The following PTPRM variants were observed in gnomAD, a reference collection of about 807,000 sequenced individuals.
PTPRM encodes the protein receptor-type tyrosine-protein phosphatase mu.
PTPRM carries 47 observed loss-of-function variants against 186.7 expected under a neutral mutation model. That is an observed-to-expected ratio of 0.25 (90% confidence interval 0.20 to 0.32). The LOEUF (loss-of-function observed/expected upper bound fraction) is 0.32. Ranked by LOEUF, PTPRM falls within the 10% of genes least tolerant of loss-of-function variation. The probability of loss-of-function intolerance (pLI) is 1.00; values close to 1 mark genes in which losing one functional copy is unlikely to be tolerated. For missense variants in PTPRM, 1,494 were observed against 1,865.0 expected (o/e 0.80, Z 3.66); for synonymous variants, 668 against 674.9 (o/e 0.99, Z 0.16).
At chr18:8,371,214 T>C (rs1193485769) in intron 24 of PTPRM, among the ~76,000 whole-genome samples, 1 of 152,230 alleles carries the variant, frequency 6.6e-6, no homozygotes, top group Non-Finnish European at 1.5e-5. Flanking sequence ...TTCATAAGAA[T>C]CTATATTTTG....
chr18:7,731,134 C>G (rs941645367), intron 1 of PTPRM, among the ~76,000 whole-genome samples: 2 of 152,192 alleles, frequency 1.3e-5, no homozygotes, highest in Non-Finnish European at 2.9e-5. Flanking sequence ...GGTTTGCACA[C>G]TGAAAGAGAA....
At chr18:7,850,680 T>C (rs1174610753) in intron 2 of PTPRM, among the ~76,000 whole-genome samples, 1 of 152,226 alleles carries the variant, frequency 6.6e-6, no homozygotes, top group Non-Finnish European at 1.5e-5. Context: ...GAAGCCAAGC[T>C]TCTGATCATG....
chr18:8,009,672 C>T (rs542481085), intron 7 of PTPRM, among the ~76,000 whole-genome samples: 2 of 152,040 alleles, frequency 1.3e-5, no homozygotes, highest in African/African-American at 4.8e-5. Flanking sequence ...CGCACCACTG[C>T]ACTCCAGCCT....
intron 14 of PTPRM, among the ~76,000 whole-genome samples, chr18:8,158,954 C>T (rs1337419744): frequency 6.6e-6 from 1 of 152,154 alleles, no homozygotes; most frequent in African/African-American, 2.4e-5. Context: ...AGCCCACCTC[C>T]ACTGTTGGAA....
chr18:7,874,255 T>G (rs971270965), intron 2 of PTPRM, among the ~76,000 whole-genome samples: 2 of 152,214 alleles, frequency 1.3e-5, no homozygotes, highest in African/African-American at 4.8e-5. Context: ...GTTTAATTTT[T>G]CCTTTGAAAT....
intron 4 of PTPRM, among the ~76,000 whole-genome samples, chr18:7,923,640 G>A (rs2050999552): frequency 6.6e-6 from 1 of 152,168 alleles, no homozygotes; most frequent in African/African-American, 2.4e-5. Context: ...TGGTTTTAGG[G>A]CTTCAGTGGG....
chr18:8,255,191 C>T (rs959925514), intron 19 of PTPRM, among the ~76,000 whole-genome samples: 21 of 152,066 alleles, frequency 1.4e-4, no homozygotes, highest in African/African-American at 2.7e-4. Flanking sequence ...AAAATATAAG[C>T]CTAATGAATA....
chr18:8,059,264 T>G (rs1392021191), intron 7 of PTPRM, among the ~76,000 whole-genome samples: 1 of 103,102 alleles, frequency 9.7e-6, no homozygotes, highest in Non-Finnish European at 1.9e-5. Flanking sequence ...TTGTCTGTTG[T>G]TGGTGTATAA....
intron 7 of PTPRM, among the ~76,000 whole-genome samples, chr18:8,066,588 G>A (rs1205225811): frequency 6.6e-6 from 1 of 152,112 alleles, no homozygotes; most frequent in Non-Finnish European, 1.5e-5. Context: ...ACATTAGTAG[G>A]CACAGCAGAA....
At chr18:7,874,918 C>T (rs960807220) in intron 2 of PTPRM, among the ~76,000 whole-genome samples, 16 of 152,324 alleles carry the variant, frequency 1.1e-4, no homozygotes, top group Middle Eastern at 3.4e-3. Flanking sequence ...AATGGCCTGG[C>T]GCAGTGGCTC....
At chr18:7,917,045 T>C (rs1043868122) in intron 4 of PTPRM, among the ~76,000 whole-genome samples, 3 of 152,224 alleles carry the variant, frequency 2.0e-5, no homozygotes, top group Non-Finnish European at 2.9e-5. Context: ...TTTGTCCTTC[T>C]GTGCCTGGCT....
chr18:8,131,909 A>T (rs151036375), intron 13 of PTPRM, among the ~76,000 whole-genome samples: 57 of 152,338 alleles, frequency 3.7e-4, no homozygotes, highest in African/African-American at 1.3e-3. Flanking sequence ...TGCTTAGTAT[A>T]TCGATCAGTA....
At chr18:7,768,883 T>A (rs1021094619) in intron 1 of PTPRM, among the ~76,000 whole-genome samples, 3 of 152,142 alleles carry the variant, frequency 2.0e-5, no homozygotes, top group East Asian at 3.9e-4. Flanking sequence ...CGATCTCAGG[T>A]GATCTGCCCG....
chr18:7,717,028 T>G (rs938312028), intron 1 of PTPRM, among the ~76,000 whole-genome samples: 4 of 152,168 alleles, frequency 2.6e-5, no homozygotes, highest in Non-Finnish European at 5.9e-5. Context: ...CATATGTTTA[T>G]TGCAGCACTG....
At chr18:7,802,823 CTG>C (rs1006005777) in intron 2 of PTPRM, among the ~76,000 whole-genome samples, 8 of 152,086 alleles carry the variant, frequency 5.3e-5, no homozygotes, top group African/African-American at 1.9e-4. Context: ...TATTGAAAAA[CTG>C]TTATGTTTCA....
chr18:8,119,648 A>G (rs2092096278), intron 13 of PTPRM, among the ~76,000 whole-genome samples: 1 of 152,302 alleles, frequency 6.6e-6, no homozygotes, highest in African/African-American at 2.4e-5. Flanking sequence ...CCTAAAGAAA[A>G]GAATCCGGAA....
At chr18:8,346,291 C>G (rs2095504638) in intron 23 of PTPRM, among the ~76,000 whole-genome samples, 1 of 152,248 alleles carries the variant, frequency 6.6e-6, no homozygotes, top group Non-Finnish European at 1.5e-5. Flanking sequence ...CAGACATGTA[C>G]TATCTTCCTG....
chr18:7,663,306 G>T (rs2039021060), intron 1 of PTPRM, among the ~76,000 whole-genome samples: 1 of 152,166 alleles, frequency 6.6e-6, no homozygotes, highest in Non-Finnish European at 1.5e-5. Context: ...ACCACCTAAA[G>T]ATCAAGTTTC....
At chr18:8,363,262 C>T (rs933330348) in intron 23 of PTPRM, among the ~76,000 whole-genome samples, 6 of 152,300 alleles carry the variant, frequency 3.9e-5, no homozygotes, top group South Asian at 4.1e-4. Flanking sequence ...TTAATGGGAG[C>T]GGGCGTATAA....
Sources: allele counts gnomAD v4.1 joint callset (sites outside exome capture counted in the v4.1 genomes callset), GRCh38; gene constraint gnomAD v4.1.1; transcripts MANE v1.5; gene names NCBI Gene and HGNC (gene_info 2026-07-23, HGNC 2026-07-21).